Variants in SAMMSON observed in about 807,000 individuals in gnomAD.
The protein encoded by SAMMSON is long intergenic non-protein coding RNA 1212.
At chr3:70,285,911 T>C (rs902713192) in intron 6 of SAMMSON, among the ~76,000 whole-genome samples, 2 of 151,646 alleles carry the variant, frequency 1.3e-5, no homozygotes, top group Admixed American at 6.6e-5. Flanking sequence ...GGTTGTTTGT[T>C]TTTTTCTTGT....
chr3:70,035,452 A>G (rs1015269979), intron 3 of SAMMSON, among the ~76,000 whole-genome samples: 4 of 152,174 alleles, frequency 2.6e-5, no homozygotes, highest in East Asian at 1.9e-4. Context: ...AAGTCCCTTC[A>G]TATCAGTATA....
chr3:70,173,477 A>G (rs1235207733), intron 4 of SAMMSON, among the ~76,000 whole-genome samples: 1 of 151,958 alleles, frequency 6.6e-6, no homozygotes, highest in East Asian at 1.9e-4. Flanking sequence ...TTAACTAAAA[A>G]AGCAAATATA....
At chr3:70,326,302 T>C (rs1702580242) in intron 7 of SAMMSON, among the ~76,000 whole-genome samples, 1 of 152,208 alleles carries the variant, frequency 6.6e-6, no homozygotes, top group African/African-American at 2.4e-5. Flanking sequence ...ATTAATTGTC[T>C]GATTTTGGGG....
intron 4 of SAMMSON, among the ~76,000 whole-genome samples, chr3:70,112,077 T>C (rs1449317563): frequency 1.3e-5 from 2 of 152,160 alleles, no homozygotes; most frequent in African/African-American, 2.4e-5. Context: ...AATCTTCAGA[T>C]TGAAGAATTA....
chr3:70,255,107 A>G (rs1701802887), intron 6 of SAMMSON, among the ~76,000 whole-genome samples: 1 of 152,222 alleles, frequency 6.6e-6, no homozygotes, highest in Non-Finnish European at 1.5e-5. Flanking sequence ...AGTTCAACTA[A>G]TGAAACAGTG....
At chr3:70,409,549 C>A (rs913250490) in intron 2 of SAMMSON, among the ~76,000 whole-genome samples, 1 of 151,820 alleles carries the variant, frequency 6.6e-6, no homozygotes, top group Admixed American at 6.6e-5. Context: ...TTGGTTGCAA[C>A]ACTGGCTCCA....
chr3:70,042,179 G>C (rs1291918806), intron 3 of SAMMSON, among the ~76,000 whole-genome samples: 1 of 152,068 alleles, frequency 6.6e-6, no homozygotes, highest in Non-Finnish European at 1.5e-5. Context: ...AAGAGAAAAT[G>C]AGTATCTATG....
At chr3:70,416,681 G>T (rs1701266952) in intron 2 of SAMMSON, among the ~76,000 whole-genome samples, 1 of 151,888 alleles carries the variant, frequency 6.6e-6, no homozygotes, top group South Asian at 2.1e-4. Context: ...ATCTCTGTGG[G>T]ATGTAGTCTC....
chr3:70,349,875 C>A (rs1348302409), intron 7 of SAMMSON, among the ~76,000 whole-genome samples: 2 of 152,048 alleles, frequency 1.3e-5, no homozygotes, highest in African/African-American at 4.8e-5. Context: ...ACTTATGCAC[C>A]CCAACAAACA....
intron 3 of SAMMSON, among the ~76,000 whole-genome samples, chr3:70,034,413 G>A (rs934043637): frequency 6.6e-6 from 1 of 152,154 alleles, no homozygotes; most frequent in Admixed American, 6.6e-5. Context: ...GAACTTGTAT[G>A]TAGATACTGC....
At chr3:70,383,699 G>T (rs1703093444) in intron 9 of SAMMSON, among the ~76,000 whole-genome samples, 1 of 152,050 alleles carries the variant, frequency 6.6e-6, no homozygotes, top group Admixed American at 6.6e-5. Context: ...AAGCTAGCTA[G>T]ATTTCAGTGG....
intron 4 of SAMMSON, among the ~76,000 whole-genome samples, chr3:70,191,728 T>TAATTCAAGTAACTA (rs1388573226): frequency 2.8e-4 from 43 of 152,146 alleles, no homozygotes; most frequent in African/African-American, 1.0e-3. Flanking sequence ...TTGAACTTTA[T>TAATTCAAGTAACTA]CTTGGTTTCA....
intron 3 of SAMMSON, chr3:70,030,758 A>G (rs1411208213): frequency 6.6e-6 from 1 of 152,234 alleles, no homozygotes; most frequent in Admixed American, 6.5e-5. Context: ...TCCATAGGAT[A>G]TATACAGATG....
chr3:70,039,673 AC>A (rs2067099404), intron 3 of SAMMSON, among the ~76,000 whole-genome samples: 1 of 151,020 alleles, frequency 6.6e-6, no homozygotes, highest in African/African-American at 2.4e-5. Context: ...TATCTAGTGA[AC>A]CCTAATATGC....
At chr3:70,058,288 C>T (rs1177033097) in intron 3 of SAMMSON, among the ~76,000 whole-genome samples, 1 of 151,956 alleles carries the variant, frequency 6.6e-6, no homozygotes, top group Non-Finnish European at 1.5e-5. Context: ...CACTGACCTC[C>T]TTAGCATAAA....
At chr3:70,418,982 T>TTTCCTTTCCTTTCCTTTCCTTTCCTTTC (rs1701288989) in intron 2 of SAMMSON, among the ~76,000 whole-genome samples, 1 of 60,336 alleles carries the variant, frequency 1.7e-5, no homozygotes, top group African/African-American at 4.9e-5. Flanking sequence ...TCCTTCCTTC[T>TTTCCTTTCCTTTCCTTTCCTTTCCTTTC]CTCTCTCTCT....
At chr3:70,019,721 C>T (rs1451426102) in intron 3 of SAMMSON, among the ~76,000 whole-genome samples, 2 of 152,088 alleles carry the variant, frequency 1.3e-5, no homozygotes, top group Non-Finnish European at 2.9e-5. Context: ...TGTCTGGTAC[C>T]GGTTGTTCCT....
chr3:70,211,864 C>CTCCCT (rs1701353875), intron 4 of SAMMSON, among the ~76,000 whole-genome samples: 1 of 136,628 alleles, frequency 7.3e-6, no homozygotes, highest in South Asian at 2.4e-4. Flanking sequence ...GCTTTTCTTT[C>CTCCCT]TCCCTTCCCT....
chr3:70,251,427 A>G (rs1701767101), intron 6 of SAMMSON, among the ~76,000 whole-genome samples: 1 of 152,196 alleles, frequency 6.6e-6, no homozygotes, highest in African/African-American at 2.4e-5. Context: ...CAGATATATC[A>G]GGTATCTGTC....
Sources: gnomAD v4.1 joint callset for allele counts (sites outside exome capture counted in the v4.1 genomes callset) on GRCh38, gnomAD v4.1.1 for gene constraint, MANE v1.5 for transcripts, NCBI Gene and HGNC (gene_info 2026-07-23, HGNC 2026-07-21) for gene names.